Variants in MTUS2 observed in about 807,000 individuals in gnomAD.
The protein encoded by MTUS2 is microtubule associated scaffold protein 2.
A neutral mutation model predicts 114.1 loss-of-function variants in MTUS2; 40 were observed. The observed-to-expected ratio is 0.35, with a 90% CI of 0.27 to 0.46. The LOEUF (loss-of-function observed/expected upper bound fraction) is 0.46, where lower values mean the gene tolerates loss of function less well. MTUS2 is among the 20% of genes least tolerant of loss of function. The pLI, the probability that MTUS2 is intolerant of heterozygous loss-of-function variation, is 1.00. For missense variants in MTUS2, 1,679 were observed against 1,705.4 expected, an observed-to-expected ratio of 0.98 and a Z score of 0.27; for synonymous variants, 688 against 672.0, an observed-to-expected ratio of 1.02 and a Z score of -0.37.
intron 5 of MTUS2, among the ~76,000 whole-genome samples, chr13:29,123,718 A>G (rs1390959972): frequency 1.3e-5 from 2 of 152,090 alleles, no homozygotes; most frequent in Non-Finnish European, 2.9e-5. Flanking sequence ...AAACAAACAC[A>G]CACACACACA....
chr13:29,158,005 G>GTT (rs1443629942), intron 5 of MTUS2, among the ~76,000 whole-genome samples: 1 of 152,152 alleles, frequency 6.6e-6, no homozygotes, highest in African/African-American at 2.4e-5. Context: ...AAACATCTCT[G>GTT]ACTTTTAAAA....
chr13:29,263,209 A>G (rs761865428), intron 5 of MTUS2, among the ~76,000 whole-genome samples: 3 of 152,152 alleles, frequency 2.0e-5, no homozygotes, highest in Non-Finnish European at 2.9e-5. Context: ...ACTAGACCCT[A>G]TAGTAGGAAT....
chr13:28,895,963 C>T (rs185787374), intron 2 of MTUS2, among the ~76,000 whole-genome samples: 26 of 152,166 alleles, frequency 1.7e-4, no homozygotes, highest in African/African-American at 6.3e-4. Flanking sequence ...TTTTCTGCCC[C>T]TGATTAATTT....
chr13:29,190,509 G>T (rs969118644), intron 5 of MTUS2, among the ~76,000 whole-genome samples: 1 of 152,228 alleles, frequency 6.6e-6, no homozygotes, highest in East Asian at 1.9e-4. Flanking sequence ...TATGGAGGTG[G>T]TTGGGAACCT....
chr13:29,023,646 A>T (rs1237299811), intron 2 of MTUS2, among the ~76,000 whole-genome samples: 3 of 152,262 alleles, frequency 2.0e-5, no homozygotes, highest in African/African-American at 7.2e-5. Context: ...CCTTATATAC[A>T]GTCCATATTT....
chr13:29,026,807 G>A lies in MTUS2; in HGVS notation c.2109G>A (p.Leu703=). Residue 703 remains leucine (L), a synonymous_variant, in exon 3 of 16, where the codon CTG becomes CTA. Coordinates refer to ENST00000612955, the MANE Select transcript of MTUS2 (RefSeq NM_001033602.4). ...ANLYEKFKPD[L]QKPRVFSSGL... ...TCTATGAGAAATTCAAGCCAGACCT[G>A]CAGAAGCCAAGGGTCTTCAGTTCCG... 1.9e-6 allele frequency: 3 copies of A among 1,612,710 alleles called. No homozygotes were observed. Among genetic ancestry groups the A allele is most frequent in the Non-Finnish European group, 2.5e-6 (3 of 1,179,894 alleles).
At chr13:29,359,676 AC>A (rs1870067675) in intron 8 of MTUS2, among the ~76,000 whole-genome samples, 1 of 152,214 alleles carries the variant, frequency 6.6e-6, no homozygotes, top group African/African-American at 2.4e-5. Flanking sequence ...TGAAAGAAAT[AC>A]GTCTGGGAAG....
intron 7 of MTUS2, among the ~76,000 whole-genome samples, chr13:29,333,491 C>T (rs1378123905): frequency 6.6e-6 from 1 of 152,152 alleles, no homozygotes; most frequent in Non-Finnish European, 1.5e-5. Flanking sequence ...GCCACCGCAG[C>T]CGGCCTTGAG....
chr13:29,495,355 C>CAAA lies in MTUS2; in HGVS notation c.3580-1860_3580-1858dup, dbSNP rs561721512. Among the ~76,000 whole-genome samples, 33 of 29,812 alleles carry CAAA rather than the reference C, an allele frequency of 1.1e-3. 2 individuals carry two copies. Among genetic ancestry groups the CAAA allele is most frequent in the African/African-American group, 3.5e-3 (30 of 8,680 alleles). 19.6% of individuals were successfully genotyped at this position (29,812 alleles called of 152,430 possible). A position where few individuals can be genotyped will look rare whatever the true frequency, so the allele number is the denominator to read the frequency against. On this transcript the variant is annotated intron_variant, in intron 12 of 15. Transcript: ENST00000612955. ...CCTGGGTGACAGAGTGAGTCTTTGTCAAAAAAAAAAAAAAAAAAAAAAAAA... is the reference window on the plus strand; with the variant it reads ...CCTGGGTGACAGAGTGAGTCTTTGTCAAAAAAAAAAAAAAAAAAAAAAAAAAAA...
At chr13:28,839,911 C>T (rs908579815) in intron 2 of MTUS2, 61 bp downstream of exon 2, 7 of 149,754 alleles carry the variant, frequency 4.7e-5, no homozygotes, top group Non-Finnish European at 8.9e-5. Flanking sequence ...CTGTGATTGT[C>T]TCTCAAATGT....
chr13:29,458,909 C>T (rs1048188690), intron 9 of MTUS2, among the ~76,000 whole-genome samples: 3 of 152,330 alleles, frequency 2.0e-5, no homozygotes, highest in East Asian at 1.9e-4. Context: ...TATGGGTGGC[C>T]GTGCTTCTCT....
chr13:28,848,768 AC>A (rs1302200983), intron 2 of MTUS2, among the ~76,000 whole-genome samples: 1 of 152,222 alleles, frequency 6.6e-6, no homozygotes, highest in South Asian at 2.1e-4. Flanking sequence ...CTCGATGTCA[AC>A]CTACAAGGAT....
chr13:29,011,875 T>C (rs1446523332), intron 2 of MTUS2, among the ~76,000 whole-genome samples: 2 of 152,190 alleles, frequency 1.3e-5, no homozygotes, highest in Non-Finnish European at 2.9e-5. Context: ...GCTTCATCCT[T>C]CTAGGGATCT....
At position 28,985,560 on chromosome 13, in the gene MTUS2, C is replaced by CT. The variant is rs34218047; in HGVS notation, c.-242-38881dup. Among the ~76,000 whole-genome samples the CT allele has an allele frequency of 5.6e-3, 796 of 142,394 alleles. 2 individuals carry two copies. The highest frequency in any genetic ancestry group is 0.024 in the South Asian group (104 of 4,380). The allele number at this position is 142,394 out of a possible 152,430, so 93.4% of individuals were successfully genotyped here. On this transcript the variant is annotated intron_variant, in intron 2 of 15. Coordinates refer to ENST00000612955, the MANE Select transcript of MTUS2 (RefSeq NM_001033602.4). ...TTTTAGCAATCGAAGAAATGGTATT[C>CT]TTTTTTTTTTTTTTTTAAAAAGCTT...
At chr13:29,057,481 G>T (rs1259562440) in intron 4 of MTUS2, among the ~76,000 whole-genome samples, 1 of 152,148 alleles carries the variant, frequency 6.6e-6, no homozygotes, top group Non-Finnish European at 1.5e-5. Flanking sequence ...GGATGTTCCT[G>T]TGTTGGGTGC....
chr13:29,302,853 T>C (rs1899267351), intron 6 of MTUS2, among the ~76,000 whole-genome samples: 1 of 152,238 alleles, frequency 6.6e-6, no homozygotes, highest in Admixed American at 6.5e-5. Context: ...CCTGACTGGG[T>C]GAGACCTCCC....
At chr13:29,332,811 A>G (rs1398254526) in intron 7 of MTUS2, among the ~76,000 whole-genome samples, 1 of 151,140 alleles carries the variant, frequency 6.6e-6, no homozygotes, top group African/African-American at 2.4e-5. Flanking sequence ...ATTTTTTTGT[A>G]TTTTTAGTAG....
chr13:29,078,534 A>G (rs563133314), intron 4 of MTUS2, among the ~76,000 whole-genome samples: 47 of 152,340 alleles, frequency 3.1e-4, no homozygotes, highest in African/African-American at 1.0e-3. Flanking sequence ...AAAGGATACA[A>G]TTTAGTGGTT....
At chr13:29,044,484 A>C (rs1949642490) in intron 4 of MTUS2, among the ~76,000 whole-genome samples, 1 of 152,090 alleles carries the variant, frequency 6.6e-6, no homozygotes, top group Non-Finnish European at 1.5e-5. Context: ...TTTTCATCAA[A>C]TTTAGGGTGT....
Sources: allele counts gnomAD v4.1 joint callset (sites outside exome capture counted in the v4.1 genomes callset), GRCh38; gene constraint gnomAD v4.1.1; transcripts MANE v1.5; gene names NCBI Gene and HGNC (gene_info 2026-07-23, HGNC 2026-07-21).